UNC13B: variants seen among roughly 807,000 people sequenced by gnomAD.
UNC13B encodes the protein protein unc-13 homolog B.
UNC13B carries 144 observed loss-of-function variants against 211.0 expected under a neutral mutation model. The observed-to-expected ratio is 0.68, with a 90% CI of 0.60 to 0.78. The LOEUF is 0.78. Ranked by LOEUF, UNC13B falls within the 30% of genes least tolerant of loss-of-function variation. The pLI is 0.00. For missense variants in UNC13B, 1,777 were observed against 2,002.0 expected, an observed-to-expected ratio of 0.89 and a Z score of 2.14; for synonymous variants, 709 against 725.8, an observed-to-expected ratio of 0.98 and a Z score of 0.37.
intron 9 of UNC13B, among the ~76,000 whole-genome samples, chr9:35,308,937 G>A (rs1311336613): frequency 6.6e-6 from 1 of 152,164 alleles, no homozygotes; most frequent in African/African-American, 2.4e-5. Context: ...CCTTGGGATA[G>A]TCTGTATTCC....
At chr9:35,310,845 G>A (rs1830151391) in intron 10 of UNC13B, 64 bp downstream of exon 10, 2 of 1,461,706 alleles carry the variant, frequency 1.4e-6, no homozygotes, top group African/African-American at 2.8e-5. Flanking sequence ...TGGTATTGCT[G>A]AAAATAAGTG....
At chr9:35,291,924 AT>A (rs1829118224) in intron 7 of UNC13B, among the ~76,000 whole-genome samples, 1 of 152,128 alleles carries the variant, frequency 6.6e-6, no homozygotes, top group African/African-American at 2.4e-5. Flanking sequence ...AGCTTGACCC[AT>A]TTATGCCTAG....
At chr9:35,385,587 T>G in intron 22 of UNC13B, 137 bp from the exon 23 acceptor site, 3 of 1,416,588 alleles carry the variant, frequency 2.1e-6, no homozygotes, top group Non-Finnish European at 2.8e-6. Flanking sequence ...CCTGTAACTT[T>G]ACAGTGTTTT....
intron 4 of UNC13B, among the ~76,000 whole-genome samples, 191 bp from the exon 5 acceptor site, chr9:35,237,512 C>T (rs1482708937): frequency 1.3e-5 from 2 of 152,130 alleles, no homozygotes; most frequent in African/African-American, 4.8e-5. Context: ...GAAAGCTGCT[C>T]TCCCCACCAA....
chr9:35,285,222 A>T (rs10972422), intron 7 of UNC13B, among the ~76,000 whole-genome samples: 27,281 of 152,108 alleles, frequency 0.18, 2,838 homozygotes, highest in Non-Finnish European at 0.24. Context: ...TTCTTCCTCC[A>T]TTAGCACAGG....
intron 11 of UNC13B, among the ~76,000 whole-genome samples, chr9:35,347,763 T>A (rs1379007618): frequency 6.6e-6 from 1 of 152,190 alleles, no homozygotes; most frequent in Non-Finnish European, 1.5e-5. Flanking sequence ...GTTGAAAATT[T>A]CCTATTTGTC....
intron 26 of UNC13B, among the ~76,000 whole-genome samples, chr9:35,391,725 G>A (rs1054753328): frequency 3.3e-5 from 5 of 152,174 alleles, no homozygotes; most frequent in African/African-American, 1.2e-4. Flanking sequence ...TGGCTCCAGT[G>A]GGTTTGGGGG....
At chr9:35,348,882 A>G (rs1281869295) in intron 11 of UNC13B, among the ~76,000 whole-genome samples, 5 of 152,168 alleles carry the variant, frequency 3.3e-5, no homozygotes, top group Admixed American at 3.3e-4. Context: ...GTAGTTGTAC[A>G]CAGAGCTTCC....
At position 35,251,087 on chromosome 9, in the gene UNC13B, G is replaced by A. The variant is rs149600017; in HGVS notation, c.468+7723G>A. 7.7e-3 allele frequency among the ~76,000 whole-genome samples: 1,144 copies of A among 147,982 alleles called. 15 individuals carry two copies. Among genetic ancestry groups the A allele is most frequent in the East Asian group, 0.046 (217 of 4,756 alleles). On this transcript the variant is annotated intron_variant, in intron 6 of 39. Transcript: ENST00000635942. ...ATGCCATTCTCCTGCCTCAGCCTCCGGAGTAGCTGGGACTACTGGCACCCG... is the reference window on the plus strand; with the variant it reads ...ATGCCATTCTCCTGCCTCAGCCTCCAGAGTAGCTGGGACTACTGGCACCCG...
intron 11 of UNC13B, among the ~76,000 whole-genome samples, chr9:35,323,728 T>C (rs1830859876): frequency 6.6e-6 from 1 of 152,146 alleles, no homozygotes; most frequent in Non-Finnish European, 1.5e-5. Flanking sequence ...GACTATGCCT[T>C]TTATATGCCC....
intron 6 of UNC13B, among the ~76,000 whole-genome samples, chr9:35,248,220 C>T (rs2131579067): frequency 6.6e-6 from 1 of 151,888 alleles, no homozygotes; most frequent in South Asian, 2.1e-4. Context: ...TCATTTTTTA[C>T]TGTGTCTATT....
intron 11 of UNC13B, chr9:35,351,900 G>T: frequency 4.9e-6 from 6 of 1,232,270 alleles, no homozygotes; most frequent in Non-Finnish European, 5.1e-6. Context: ...CTTTTGTCCA[G>T]AGGCCATGGC....
chr9:35,375,170 C>T lies in UNC13B; in HGVS notation c.9584C>T (p.Ala3195Val), dbSNP rs1834315851. The T allele has an allele frequency of 6.2e-7, 1 of 1,614,048 alleles. No individual in the cohort carries two copies. Among genetic ancestry groups the T allele is most frequent in the Non-Finnish European group, 8.5e-7 (1 of 1,180,004 alleles). Residue 3195 changes from alanine to valine, a missense_variant, in exon 14 of 40, where the codon GCT becomes GTT. Transcript: ENST00000635942. The part of the protein sequence containing the change: ...SRKAGITSAM[A>V]TRTSLKDEEL... ...AAGGCAGGAATCACTTCTGCAATGG[C>T]TACACGCACTTCTCTTAAGGACGAA...
chr9:35,233,546 A>C (rs1186761731), intron 3 of UNC13B, among the ~76,000 whole-genome samples: 2 of 152,094 alleles, frequency 1.3e-5, no homozygotes, highest in Non-Finnish European at 2.9e-5. Context: ...CACTCCTTGC[A>C]GAACTTAGTC....
intron 11 of UNC13B, among the ~76,000 whole-genome samples, chr9:35,340,524 A>G (rs759167522): frequency 1.5e-4 from 23 of 152,228 alleles, no homozygotes; most frequent in Non-Finnish European, 3.4e-4. Context: ...TGGTCCCCAT[A>G]GACTGACTAC....
chr9:35,353,102 A>T, intron 11 of UNC13B: 1 of 1,232,146 alleles, frequency 8.1e-7, no homozygotes, highest in African/African-American at 1.5e-5. Flanking sequence ...TGACAGCATG[A>T]TGGAGGAAAT....
intron 33 of UNC13B, 46 bp downstream of exon 33, chr9:35,399,080 A>G: frequency 6.2e-7 from 1 of 1,613,700 alleles, no homozygotes; most frequent in South Asian, 1.1e-5. Flanking sequence ...AGCAAAGCAG[A>G]TGCTATCGGG....
intron 1 of UNC13B, among the ~76,000 whole-genome samples, chr9:35,194,612 T>A (rs552016042): frequency 6.6e-6 from 1 of 152,318 alleles, no homozygotes; most frequent in East Asian, 1.9e-4. Flanking sequence ...TAACCGTGTT[T>A]TTAACTGGCT....
At chr9:35,309,713 C>T (rs1482551291) in intron 9 of UNC13B, among the ~76,000 whole-genome samples, 2 of 152,166 alleles carry the variant, frequency 1.3e-5, no homozygotes, top group Non-Finnish European at 2.9e-5. Context: ...ACGGCTCTGA[C>T]CCAGATCCTG....
Sources: allele counts gnomAD v4.1 joint callset (sites outside exome capture counted in the v4.1 genomes callset), GRCh38; gene constraint gnomAD v4.1.1; transcripts MANE v1.5; gene names NCBI Gene and HGNC (gene_info 2026-07-23, HGNC 2026-07-21).